The following SH3BP2 variants were observed in gnomAD, a reference collection of about 807,000 sequenced individuals.
SH3BP2 encodes SH3 domain-binding protein 2.
A neutral mutation model predicts 56.2 loss-of-function variants in SH3BP2; 38 were observed. The ratio of observed to expected loss-of-function variants is 0.68; its 90% CI spans 0.52 to 0.89. The LOEUF is 0.89. SH3BP2 is among the 40% of genes least tolerant of loss of function. The probability of loss-of-function intolerance (pLI) is 0.00; values close to 1 mark genes in which losing one functional copy is unlikely to be tolerated. For synonymous variants in SH3BP2, 346 were observed against 316.7 expected, an observed-to-expected ratio of 1.09 and a Z score of -0.98; for missense variants, 748 against 762.6, an observed-to-expected ratio of 0.98 and a Z score of 0.23.
In SH3BP2 at chr4:2,830,093, T is replaced by C. The variant is rs749171361; in HGVS notation, c.1187T>C (p.Met396Thr). ...PALKLPVPEA[M>T]ARPAVLPRPE... is the part of the protein sequence containing the mutation. ...CTGAAGCTGCCAGTGCCTGAGGCCA[T>C]GGCGCGGCCCGCAGTCCTGCCCAGG... Residue 396 changes from methionine (M) to threonine (T), a missense_variant, in exon 8 of 13, where the codon ATG becomes ACG. By Grantham distance (81) the Met-to-Thr change is moderately conservative. Around this residue, in one of 3 missense-constraint regions of SH3BP2, gnomAD observed 635 missense variants for 615.0 expected, o/e 1.03. Coordinates refer to ENST00000503393, the MANE Select transcript of SH3BP2 (RefSeq NM_001122681.2). 26 of 1,608,122 alleles carry C rather than the reference T, an allele frequency of 1.6e-5. No individual in the cohort carries two copies. Among genetic ancestry groups the C allele is most frequent in the South Asian group, 4.4e-5 (4 of 90,992 alleles).
chr4:2,825,456 A>G (rs1724555313), intron 5 of SH3BP2, among the ~76,000 whole-genome samples: 1 of 144,452 alleles, frequency 6.9e-6, no homozygotes, highest in African/African-American at 2.5e-5. Context: ...ATGCACACAC[A>G]CAGAGCAACA....
At chr4:2,817,412 C>G (rs960879750) in intron 1 of SH3BP2, among the ~76,000 whole-genome samples, 1 of 152,212 alleles carries the variant, frequency 6.6e-6, no homozygotes, top group Non-Finnish European at 1.5e-5. Context: ...GGGACAGAGC[C>G]TCGAAGGCTG....
chr4:2,820,921 C>T lies in SH3BP2; in HGVS notation c.136+168C>T, dbSNP rs113477020. Among the ~76,000 whole-genome samples, 1,403 of 152,268 alleles carry T rather than the reference C, an allele frequency of 9.2e-3. 15 individuals are homozygous for T. Among genetic ancestry groups the T allele is most frequent in the African/African-American group, 0.032 (1,325 of 41,536 alleles). The stretch of plus-strand genomic sequence containing the variant: ...CCCTGGAGAAGCAGAGGTTGACTTC[C>T]CTAGCCCCCAGGACTGTAGCAGGGT... On this transcript the variant is annotated intron_variant, in intron 2 of 12. Coordinates refer to ENST00000503393, the MANE Select transcript of SH3BP2 (RefSeq NM_001122681.2).
chr4:2,806,057 C>T (rs1048167144), intron 1 of SH3BP2, among the ~76,000 whole-genome samples: 1 of 152,246 alleles, frequency 6.6e-6, no homozygotes, highest in Non-Finnish European at 1.5e-5. Flanking sequence ...TGCCCCACCC[C>T]CACTGCTCAA....
intron 1 of SH3BP2, among the ~76,000 whole-genome samples, chr4:2,806,873 A>G (rs1723556604): frequency 1.3e-5 from 2 of 152,264 alleles, no homozygotes; most frequent in African/African-American, 4.8e-5. Flanking sequence ...CTTCCCTCTG[A>G]GGACAGAGCT....
chr4:2,821,586 G>A (rs1216548494), intron 2 of SH3BP2, among the ~76,000 whole-genome samples: 1 of 152,226 alleles, frequency 6.6e-6, no homozygotes, highest in Non-Finnish European at 1.5e-5. Flanking sequence ...TCGAGACAGG[G>A]TCTTGCTCTG....
In SH3BP2 at chr4:2,829,449, C is replaced by T. The variant is rs764548477; in HGVS notation, c.587-44C>T. ...CACTGCCAGCAGAGGATAGTGTTGG[C>T]CCAGTCTCTGTCAGGGTCCAACCCG... On this transcript the variant is annotated intron_variant, in intron 7 of 12. Coordinates refer to ENST00000503393, the MANE Select transcript of SH3BP2 (RefSeq NM_001122681.2). This position sits in a 1 kb window ranked among gnomAD's most constrained non-coding sequence, Gnocchi z 4.9. The T allele has an allele frequency of 1.9e-6, 3 of 1,603,094 alleles. No homozygotes were observed. Among genetic ancestry groups the T allele is most frequent in the East Asian group, 2.2e-5 (1 of 44,818 alleles).
chr4:2,798,487 G>C (rs1723131493), intron 1 of SH3BP2: 2 of 152,274 alleles, frequency 1.3e-5, no homozygotes, highest in Admixed American at 6.5e-5. Flanking sequence ...AGCCAGAGGA[G>C]GCAGGCCAGG....
Position 2,820,607 on chromosome 4 carries a change from A to C in SH3BP2, c.-4-7A>C. 6.2e-7 allele frequency: 1 copy of C among 1,614,102 alleles called. No individual in the cohort carries two copies. Among genetic ancestry groups the C allele is most frequent in the South Asian group, 1.1e-5 (1 of 91,084 alleles). On this transcript the variant is annotated splice_polypyrimidine_tract_variant and splice_region_variant and intron_variant, in intron 1 of 12. Coordinates refer to ENST00000503393, the MANE Select transcript of SH3BP2 (RefSeq NM_001122681.2). ...GCTGAGCCACGTGCCTTTGTCCTTTATTGCAGCTTCATGGCGGCTGAAGAG... is the reference window on the plus strand; with the variant it reads ...GCTGAGCCACGTGCCTTTGTCCTTTCTTGCAGCTTCATGGCGGCTGAAGAG...
intron 3 of SH3BP2, among the ~76,000 whole-genome samples, chr4:2,824,323 C>T (rs1228039952): frequency 6.6e-6 from 1 of 152,136 alleles, no homozygotes; most frequent in East Asian, 1.9e-4. Context: ...GGGTGGCGTC[C>T]ATGTAAAGTG....
At chr4:2,822,615 T>C (rs543059292) in intron 2 of SH3BP2, among the ~76,000 whole-genome samples, 1 of 152,356 alleles carries the variant, frequency 6.6e-6, no homozygotes, top group South Asian at 2.1e-4. Context: ...GTGGCCTCCC[T>C]GGGCCTCTGG....
chr4:2,832,903 C>T (rs918007889), intron 11 of SH3BP2, 87 bp from the exon 12 acceptor site: 9 of 1,360,274 alleles, frequency 6.6e-6, no homozygotes, highest in Admixed American at 5.0e-5. Context: ...CTTGATGGTT[C>T]TGCCCCCCTA....
Position 2,827,200 on chromosome 4 carries a change from C to T in SH3BP2, c.429-30C>T, listed in dbSNP as rs373104055. 18 of 1,603,718 alleles carry T rather than the reference C, an allele frequency of 1.1e-5. 1 individual carries two copies. In the South Asian group the frequency reaches 1.7e-4, roughly 15 times the overall value. On this transcript the variant is annotated intron_variant, in intron 5 of 12. Transcript: ENST00000503393. ...AGGGACCTCCCAGGCCTGGTGCTCA[C>T]CGTCCGCCCCAACGCACCCTGCATT...
rs374127863 is a variant in SH3BP2, at chr4:2,820,595, C to G, written c.-4-19C>G. 4.3e-6 allele frequency: 7 copies of G among 1,614,000 alleles called. No individual in the cohort carries two copies. In the African/African-American group the frequency reaches 8.0e-5, roughly 18 times the overall value. ...TGCCTGACCGTAGCTGAGCCACGTGCCTTTGTCCTTTATTGCAGCTTCATG... is the reference window on the plus strand; with the variant it reads ...TGCCTGACCGTAGCTGAGCCACGTGGCTTTGTCCTTTATTGCAGCTTCATG... On this transcript the variant is annotated intron_variant, in intron 1 of 12. Transcript: ENST00000503393.
chr4:2,831,197 A>G lies in SH3BP2; in HGVS notation c.1242-374A>G, dbSNP rs980102750. On this transcript the variant is annotated intron_variant, in intron 8 of 12. Coordinates refer to ENST00000503393, the MANE Select transcript of SH3BP2 (RefSeq NM_001122681.2). The surrounding 1 kb of genome is among the most constrained non-coding windows in gnomAD (Gnocchi z 4.1). The stretch of plus-strand genomic sequence containing the variant: ...CCTTTGGGGTCACACTGCATTGTTC[A>G]TCCAGTTCACGTCCACTCCCCTGTG... Among the ~76,000 whole-genome samples the G allele has an allele frequency of 1.3e-5, 2 of 152,164 alleles. No homozygotes were observed. The highest frequency in any genetic ancestry group is 2.9e-5 in the Non-Finnish European group (2 of 68,014).
At chr4:2,821,670 T>C (rs1335707521) in intron 2 of SH3BP2, among the ~76,000 whole-genome samples, 1 of 151,580 alleles carries the variant, frequency 6.6e-6, no homozygotes, top group Non-Finnish European at 1.5e-5. Context: ...GGTGATCCCC[T>C]CAGCTGGGAC....
At position 2,822,941 on chromosome 4, in the gene SH3BP2, T is replaced by C. The variant is rs760711223; in HGVS notation, c.143T>C (p.Leu48Pro). ...GTQLQLLKWP[L>P]RFVIIHKRCV... is the part of the protein sequence containing the mutation. Reference sequence around the variant, plus strand: ...CCCTTGCCACCTCCCACAGGGCCCCTGCGCTTTGTCATCATCCACAAACGC... The same window carrying C: ...CCCTTGCCACCTCCCACAGGGCCCCCGCGCTTTGTCATCATCCACAAACGC... The change falls in exon 3 of 13, where the codon CTG (leucine) becomes CCG (proline). Residue 48 changes from leucine to proline, a missense_variant. Transcript: ENST00000503393. 92 of 1,613,676 alleles carry C rather than the reference T, an allele frequency of 5.7e-5. No homozygotes were observed. The highest frequency in any genetic ancestry group is 7.5e-5 in the Non-Finnish European group (89 of 1,179,786).
At chr4:2,833,287 C>T in intron 12 of SH3BP2, 2 of 601,564 alleles carry the variant, frequency 3.3e-6, no homozygotes, top group Non-Finnish European at 5.9e-6. Flanking sequence ...CAGCCATAGA[C>T]CCTGGGTTGC....
chr4:2,830,713 C>T (rs1176779654), intron 8 of SH3BP2, among the ~76,000 whole-genome samples: 1 of 152,216 alleles, frequency 6.6e-6, no homozygotes, highest in African/African-American at 2.4e-5. Context: ...CAGTTTGTCC[C>T]CCACTCCCAC....
Sources: gnomAD v4.1 joint callset for allele counts (sites outside exome capture counted in the v4.1 genomes callset) on GRCh38, gnomAD v4.1.1 for gene constraint, gnomAD v4.1.1 regional missense constraint, Gnocchi (gnomAD v3.1) non-coding constraint, MANE v1.5 for transcripts, NCBI Gene and HGNC (gene_info 2026-07-23, HGNC 2026-07-21) for gene names.